Variants in MICAL2 observed in about 807,000 individuals in gnomAD.
MICAL2 encodes the protein [F-actin]-monooxygenase MICAL2.
In MICAL2, 77 loss-of-function variants were observed where a neutral mutation model predicts 127.3. The ratio of observed to expected loss-of-function variants is 0.60; its 90% CI spans 0.50 to 0.73. MICAL2 has a LOEUF of 0.73. MICAL2 is among the 30% of genes least tolerant of loss of function. MICAL2 has a pLI of 0.00. For synonymous variants in MICAL2, 570 were observed against 551.1 expected (o/e 1.03, Z -0.48); for missense variants, 1,351 against 1,434.4 (o/e 0.94, Z 0.94).
Position 12,277,949 on chromosome 11 carries a change from A to G in MICAL2, c.87+1783A>G, listed in dbSNP as rs188155061. 2.8e-3 allele frequency among the ~76,000 whole-genome samples: 432 copies of G among 152,330 alleles called. 2 individuals carry two copies. Among genetic ancestry groups the G allele is most frequent in the South Asian group, 0.024 (114 of 4,832 alleles). The stretch of plus-strand genomic sequence containing the variant: ...CAGCAATTGTAACACAATGGTAAGT[A>G]TTTGTGAATCTAAATATATATAAAC... On this transcript the variant is annotated intron_variant, in intron 1 of 2. Coordinates refer to the MICAL2 transcript ENST00000529028.
At position 12,162,404 on chromosome 11, in the gene MICAL2, G is replaced by T; in HGVS notation, c.249G>T (p.Ser83=). The T allele has an allele frequency of 6.2e-7, 1 of 1,614,216 alleles. No individual in the cohort carries two copies. The highest frequency in any genetic ancestry group is 1.7e-5 in the Admixed American group (1 of 60,026). Residue 83 remains serine, a synonymous_variant, in exon 3 of 28, where the codon TCG becomes TCT. Transcript: ENST00000683283. ...ACAAAGAGTATAAGCGAGGGAAGTCGTGCACGAACACCAAGGTAAGGGGAA... is the reference window on the plus strand; with the variant it reads ...ACAAAGAGTATAAGCGAGGGAAGTCTTGCACGAACACCAAGGTAAGGGGAA... The part of the protein sequence containing the change: ...GSHKEYKRGK[S]CTNTKCLIVG...
At chr11:12,239,321 C>A in intron 16 of MICAL2, 115 bp from the exon 17 acceptor site, 1 of 1,413,298 alleles carries the variant, frequency 7.1e-7, no homozygotes, top group Non-Finnish European at 1.0e-6. Flanking sequence ...CTTCCTCAGA[C>A]CATGGAGGGA....
At chr11:12,181,697 G>C (rs949019335) in intron 3 of MICAL2, among the ~76,000 whole-genome samples, 4 of 152,186 alleles carry the variant, frequency 2.6e-5, no homozygotes, top group African/African-American at 9.6e-5. Context: ...CTGTCAGTAG[G>C]ACATGAGTTA....
At chr11:12,186,686 T>C (rs7936590) in intron 3 of MICAL2, among the ~76,000 whole-genome samples, 40,454 of 152,108 alleles carry the variant, frequency 0.27, 6,615 homozygotes, top group African/African-American at 0.46. Flanking sequence ...CAGGGAAGGT[T>C]TGCCTCTTAC....
chr11:12,291,260 C>T (rs546574371), downstream of MICAL2, among the ~76,000 whole-genome samples: 31 of 152,128 alleles, frequency 2.0e-4, no homozygotes, highest in South Asian at 6.4e-3. Flanking sequence ...TCAAATGACC[C>T]AATATGGAGA....
At chr11:12,120,050 C>T (rs1336455511) in intron 1 of MICAL2, among the ~76,000 whole-genome samples, 1 of 152,202 alleles carries the variant, frequency 6.6e-6, no homozygotes, top group African/African-American at 2.4e-5. Context: ...CTCATCCTCC[C>T]TTTCTAAAAC....
chr11:12,120,233 G>T (rs1426650428), intron 1 of MICAL2, among the ~76,000 whole-genome samples: 1 of 152,240 alleles, frequency 6.6e-6, no homozygotes, highest in Non-Finnish European at 1.5e-5. Flanking sequence ...GAAGTTAACT[G>T]GGAAGGACCA....
At position 12,256,797 on chromosome 11, in the gene MICAL2, A is replaced by G; in HGVS notation, c.2968A>G (p.Lys990Glu). 1 of 1,611,776 alleles carries G rather than the reference A, an allele frequency of 6.2e-7. No individual in the cohort carries two copies. Among genetic ancestry groups the G allele is most frequent in the Non-Finnish European group, 8.5e-7 (1 of 1,178,560 alleles). ...ATSPDLESMR[K>E]SFPLNLGGSD... ...TCCCGATCCCCAGGAATCTATGCGAAAGTCATTTCCCCTTAACCTGGGAGG... is the reference window on the plus strand; with the variant it reads ...TCCCGATCCCCAGGAATCTATGCGAGAGTCATTTCCCCTTAACCTGGGAGG... The change falls in exon 24 of 28, where the codon AAG (lysine) becomes GAG (glutamate). Residue 990 changes from lysine (K) to glutamate (E), a missense_variant. By Grantham distance (56) the Lys-to-Glu change is moderately conservative (BLOSUM62 1). This residue lies in a region of MICAL2 where 752 missense variants were observed against 719.4 expected (regional missense o/e 1.05). Coordinates refer to ENST00000683283, the MANE Select transcript of MICAL2 (RefSeq NM_001282663.2).
intron 3 of MICAL2, among the ~76,000 whole-genome samples, chr11:12,185,497 C>T (rs925422988): frequency 6.6e-6 from 1 of 152,216 alleles, no homozygotes; most frequent in Middle Eastern, 3.4e-3. Flanking sequence ...AGGATCTACC[C>T]ATCTCAAAGC....
At chr11:12,354,977 T>C in intron 34 of MICAL2, 1 of 899,290 alleles carries the variant, frequency 1.1e-6, no homozygotes, top group Non-Finnish European at 1.7e-6. Context: ...TAGAGGAAAG[T>C]ACAAAGCCAG....
intron 29 of MICAL2, among the ~76,000 whole-genome samples, chr11:12,305,260 T>C (rs928317234): frequency 1.3e-5 from 2 of 152,120 alleles, no homozygotes; most frequent in African/African-American, 4.8e-5. Flanking sequence ...TCTTACATGG[T>C]GGCGGGCAAG....
At chr11:12,315,492 A>T (rs1361144427) in intron 29 of MICAL2, among the ~76,000 whole-genome samples, 1 of 152,058 alleles carries the variant, frequency 6.6e-6, no homozygotes, top group Non-Finnish European at 1.5e-5. Context: ...TTTTTGACCT[A>T]TGGGTTATTT....
chr11:12,200,368 C>A (rs183792364), intron 3 of MICAL2, among the ~76,000 whole-genome samples: 91 of 152,320 alleles, frequency 6.0e-4, no homozygotes, highest in African/African-American at 2.0e-3. Flanking sequence ...CAACCCTTTG[C>A]ATCTGTGGTC....
chr11:12,204,233 C>T lies in MICAL2; in HGVS notation c.265-17C>T. 1 of 1,612,346 alleles carries T rather than the reference C, an allele frequency of 6.2e-7. No individual in the cohort carries two copies. Among genetic ancestry groups the T allele is most frequent in the Non-Finnish European group, 8.5e-7 (1 of 1,178,614 alleles). On this transcript the variant is annotated splice_polypyrimidine_tract_variant and intron_variant, in intron 3 of 27. Coordinates refer to ENST00000683283, the MANE Select transcript of MICAL2 (RefSeq NM_001282663.2). ...CTAGAGGTTACCAAGAGTCTCTCTC[C>T]TCTCTCACCTCTGCAGTGTCTCATA...
chr11:12,225,429 CT>C (rs1857294254), intron 13 of MICAL2, among the ~76,000 whole-genome samples: 1 of 152,062 alleles, frequency 6.6e-6, no homozygotes, highest in African/African-American at 2.4e-5. Context: ...GACAGCAAAC[CT>C]ACCCAAGGGC....
intron 32 of MICAL2, among the ~76,000 whole-genome samples, chr11:12,333,806 A>C (rs2134866632): frequency 6.6e-6 from 1 of 152,292 alleles, no homozygotes; most frequent in South Asian, 2.1e-4. Context: ...CTAGGAGTAA[A>C]TCTAGCAAAA....
At chr11:12,226,406 G>C in intron 14 of MICAL2, 36 bp downstream of exon 14, 2 of 1,599,382 alleles carry the variant, frequency 1.3e-6, no homozygotes, top group Non-Finnish European at 1.7e-6. Flanking sequence ...TTAGCCCCTT[G>C]AGCCAACTCT....
intron 3 of MICAL2, among the ~76,000 whole-genome samples, chr11:12,201,894 A>G (rs7951540): frequency 0.75 from 113,400 of 152,132 alleles, 46,671 homozygotes; most frequent in Non-Finnish European, 0.92. Context: ...CAAGGCGGGC[A>G]GATCACCTGA....
upstream of MICAL2, among the ~76,000 whole-genome samples, chr11:12,271,294 T>C (rs972232623): frequency 3.3e-5 from 5 of 152,206 alleles, no homozygotes; most frequent in African/African-American, 1.2e-4. Flanking sequence ...ATTAGAGTCC[T>C]TCATTCTCCA....
Sources: gnomAD v4.1 joint callset for allele counts (sites outside exome capture counted in the v4.1 genomes callset) on GRCh38, gnomAD v4.1.1 for gene constraint, gnomAD v4.1.1 regional missense constraint, MANE v1.5 for transcripts, NCBI Gene and HGNC (gene_info 2026-07-23, HGNC 2026-07-21) for gene names.